ANKRD11: variants seen among roughly 807,000 people sequenced by gnomAD.
ANKRD11 encodes the protein ankyrin repeat domain-containing protein 11.
Under a neutral mutation model 195.7 loss-of-function variants are expected in ANKRD11, and 17 were observed. That is an observed-to-expected ratio of 0.09 (90% CI 0.06 to 0.13). The LOEUF is 0.13. ANKRD11 is among the 10% of genes least tolerant of loss of function. The probability of loss-of-function intolerance (pLI) is 1.00; values close to 1 mark genes in which losing one functional copy is unlikely to be tolerated. For missense variants in ANKRD11, 3,735 were observed against 3,566.1 expected (o/e 1.05, Z -1.21); for synonymous variants, 1,953 against 1,528.1 (o/e 1.28, Z -6.49).
intron 3 of ANKRD11, among the ~76,000 whole-genome samples, chr16:89,314,207 C>CTCT (rs1491451945): frequency 6.6e-6 from 1 of 151,808 alleles, no homozygotes; most frequent in Non-Finnish European, 1.5e-5. Context: ...TGAGCTGAGA[C>CTCT]TCTACCACTG....
At position 89,285,779 on chromosome 16, in the gene ANKRD11, T is replaced by C; in HGVS notation, c.893-130A>G. On this transcript the variant is annotated intron_variant, in intron 8 of 12. Transcript: ENST00000301030. This position sits in a 1 kb window ranked among gnomAD's most constrained non-coding sequence, Gnocchi z 5.6. ...CCCTGCCTCTGCAGAGACACTTTGC[T>C]CGACTCATGGAAACCAGCCACAGGC... 1 of 1,155,576 alleles carries C rather than the reference T, an allele frequency of 8.7e-7. No homozygotes were observed. Among genetic ancestry groups the C allele is most frequent in the Non-Finnish European group, 1.3e-6 (1 of 789,754 alleles). 71.6% of individuals were successfully genotyped at this position (1,155,576 alleles called of 1,614,324 possible).
intron 2 of ANKRD11, among the ~76,000 whole-genome samples, chr16:89,369,990 C>T (rs1276678975): frequency 6.6e-6 from 1 of 152,192 alleles, no homozygotes; most frequent in Non-Finnish European, 1.5e-5. Context: ...CTCAGAGAGG[C>T]TGGGGGCCTG....
chr16:89,429,312 G>A (rs75477198), intron 1 of ANKRD11, among the ~76,000 whole-genome samples: 52 of 46,708 alleles, frequency 1.1e-3, no homozygotes, highest in South Asian at 2.0e-3. Flanking sequence ...CTCAACTCTC[G>A]CGCTCAGACG....
chr16:89,324,698 A>C (rs1346278006), intron 2 of ANKRD11: 2 of 337,856 alleles, frequency 5.9e-6, no homozygotes, highest in Non-Finnish European at 1.2e-5. Context: ...TCAGACTCCA[A>C]GTGCTTCAGC....
intron 2 of ANKRD11, among the ~76,000 whole-genome samples, chr16:89,338,465 C>A (rs1265485589): frequency 1.3e-5 from 2 of 149,140 alleles, no homozygotes; most frequent in African/African-American, 4.9e-5. Flanking sequence ...CTGTGGCTCA[C>A]ACCTGTGTAA....
chr16:89,317,649 C>T (rs960345674), intron 2 of ANKRD11, among the ~76,000 whole-genome samples: 3 of 152,196 alleles, frequency 2.0e-5, no homozygotes, highest in Admixed American at 6.5e-5. Flanking sequence ...CCAGCAGCTC[C>T]GAGGTCCCAA....
intron 2 of ANKRD11, among the ~76,000 whole-genome samples, chr16:89,321,985 T>G (rs2037355599): frequency 6.6e-6 from 1 of 152,218 alleles, no homozygotes; most frequent in Non-Finnish European, 1.5e-5. Context: ...CTCAGTATTT[T>G]CACGTCTCTA....
intron 1 of ANKRD11, among the ~76,000 whole-genome samples, chr16:89,471,629 A>G (rs2057087206): frequency 2.6e-5 from 4 of 151,812 alleles, no homozygotes; most frequent in African/African-American, 9.7e-5. Context: ...TACTAAAAAT[A>G]CAAAAATTAT....
At chr16:89,300,813 T>C (rs1476983147) in intron 4 of ANKRD11, 20 of 698,520 alleles carry the variant, frequency 2.9e-5, no homozygotes, top group Non-Finnish European at 4.4e-5. Context: ...CAGGGTGTCA[T>C]TCACAGGTCA....
chr16:89,285,528 C>T lies in ANKRD11; in HGVS notation c.1014G>A (p.Lys338=), dbSNP rs1433946241. 1 of 1,614,018 alleles carries T rather than the reference C, an allele frequency of 6.2e-7. No individual in the cohort carries two copies. Among genetic ancestry groups the T allele is most frequent in the Middle Eastern group, 1.6e-4 (1 of 6,062 alleles). The stretch of plus-strand genomic sequence containing the variant: ...ACTCGTCCTTGACGGGGGCCGTGGC[C>T]TTCTGTGGCTCTGGGTTCTTGGCCT... The part of the protein sequence containing the change: ...KHKAKNPEPQ[K]ATAPVKDEYE... The change falls in exon 9 of 13, where the codon AAG becomes AAA. Residue 338 remains lysine, a synonymous_variant. Coordinates refer to ENST00000301030, the MANE Select transcript of ANKRD11 (RefSeq NM_013275.6). The surrounding 1 kb of genome is among the most constrained non-coding windows in gnomAD (Gnocchi z 5.6).
At chr16:89,408,209 T>G (rs147122048) in intron 2 of ANKRD11, among the ~76,000 whole-genome samples, 29 of 152,212 alleles carry the variant, frequency 1.9e-4, no homozygotes, top group Non-Finnish European at 3.5e-4. Context: ...GCCAAGAAAC[T>G]CCCTGAGAGA....
intron 2 of ANKRD11, among the ~76,000 whole-genome samples, chr16:89,358,517 G>T (rs1227576478): frequency 6.6e-6 from 1 of 152,196 alleles, no homozygotes; most frequent in Non-Finnish European, 1.5e-5. Flanking sequence ...CGTTTTCCAT[G>T]ATATCATCAC....
chr16:89,341,243 A>T (rs753057612), intron 2 of ANKRD11, among the ~76,000 whole-genome samples: 20 of 152,182 alleles, frequency 1.3e-4, no homozygotes, highest in Non-Finnish European at 2.1e-4. Flanking sequence ...TGGCAAGCAG[A>T]CCCGGTTTGG....
chr16:89,290,298 G>T (rs1403873395), intron 6 of ANKRD11, among the ~76,000 whole-genome samples: 4 of 123,656 alleles, frequency 3.2e-5, no homozygotes, highest in Middle Eastern at 4.1e-3. Flanking sequence ...CCAGCCGGGG[G>T]AGGCTCAGGG....
At chr16:89,430,748 C>T (rs1266038966) in intron 1 of ANKRD11, among the ~76,000 whole-genome samples, 2 of 152,232 alleles carry the variant, frequency 1.3e-5, no homozygotes, top group Non-Finnish European at 2.9e-5. Context: ...TTAATGCAAC[C>T]TGATGGCCGG....
chr16:89,304,661 T>C (rs1440420447), intron 4 of ANKRD11, among the ~76,000 whole-genome samples: 1 of 150,308 alleles, frequency 6.7e-6, no homozygotes, highest in East Asian at 2.0e-4. Context: ...TACACGGGCA[T>C]GTGCACATGG....
intron 2 of ANKRD11, chr16:89,370,885 C>A (rs1326273864): frequency 6.6e-6 from 1 of 152,516 alleles, no homozygotes; most frequent in East Asian, 1.9e-4. Context: ...CCATTCACCC[C>A]ACGGCACTCA....
intron 1 of ANKRD11, among the ~76,000 whole-genome samples, chr16:89,479,062 T>C (rs1567861897): frequency 6.6e-6 from 1 of 152,098 alleles, no homozygotes; most frequent in Non-Finnish European, 1.5e-5. Context: ...GACCCACACC[T>C]TTGGCAGCTG....
intron 1 of ANKRD11, among the ~76,000 whole-genome samples, chr16:89,430,831 A>G (rs2042947090): frequency 6.6e-6 from 1 of 152,354 alleles, no homozygotes; most frequent in East Asian, 1.9e-4. Flanking sequence ...TGCTCCTCAC[A>G]TATGACCTTA....
Sources: gnomAD v4.1 joint callset for allele counts (sites outside exome capture counted in the v4.1 genomes callset) on GRCh38, gnomAD v4.1.1 for gene constraint, Gnocchi (gnomAD v3.1) non-coding constraint, MANE v1.5 for transcripts, NCBI Gene and HGNC (gene_info 2026-07-23, HGNC 2026-07-21) for gene names.